Variants in SH3RF1 observed in about 807,000 individuals in gnomAD.
SH3RF1 encodes the protein E3 ubiquitin-protein ligase SH3RF1.
In SH3RF1, 32 loss-of-function variants were observed where a neutral mutation model predicts 74.0. The ratio of observed to expected loss-of-function variants is 0.43; its 90% confidence interval spans 0.33 to 0.58. The LOEUF (loss-of-function observed/expected upper bound fraction) is 0.58. Ranked by LOEUF, SH3RF1 falls within the 20% of genes least tolerant of loss-of-function variation. The pLI, the probability that SH3RF1 is intolerant of heterozygous loss-of-function variation, is 0.05. For missense variants in SH3RF1, 954 were observed against 1,130.9 expected, an observed-to-expected ratio of 0.84 and a Z score of 2.24; for synonymous variants, 396 against 439.6, an observed-to-expected ratio of 0.90 and a Z score of 1.24.
intron 2 of SH3RF1, among the ~76,000 whole-genome samples, chr4:169,247,124 CATA>C (rs1478781106): frequency 6.6e-6 from 1 of 152,190 alleles, no homozygotes; most frequent in Non-Finnish European, 1.5e-5. Flanking sequence ...CTGGGAAAAG[CATA>C]ATGACTGAGG....
intron 2 of SH3RF1, among the ~76,000 whole-genome samples, chr4:169,231,461 G>A (rs1358401964): frequency 1.3e-5 from 2 of 152,198 alleles, no homozygotes; most frequent in East Asian, 3.9e-4. Context: ...AGCTACTCAG[G>A]AGGCTGAGGC....
At chr4:169,199,381 G>A (rs1039696184) in intron 2 of SH3RF1, among the ~76,000 whole-genome samples, 8 of 152,150 alleles carry the variant, frequency 5.3e-5, no homozygotes, top group East Asian at 1.9e-4. Flanking sequence ...CTACACAGAC[G>A]TTCAAAGACT....
Position 169,120,922 on chromosome 4 carries a change from A to C in SH3RF1, c.1414T>G (p.Phe472Val). 2 of 1,614,166 alleles carry C rather than the reference A, an allele frequency of 1.2e-6. No individual in the cohort carries two copies. Among genetic ancestry groups the C allele is most frequent in the South Asian group, 1.1e-5 (1 of 91,084 alleles). ...DELELRKGEM[F>V]LVFERCQDGW... is the part of the protein sequence containing the mutation. ...TCCTGGCAGCGCTCAAACACTAAAA[A>C]CATCTCCCCTTTTCTCAGCTCTAGT... The change falls in exon 8 of 12, where the codon TTT becomes GTT. Residue 472 changes from phenylalanine (F) to valine (V), a missense_variant. Phe to Val is a conservative substitution (Grantham distance 50, BLOSUM62 -1). Coordinates refer to ENST00000284637, the MANE Select transcript of SH3RF1 (RefSeq NM_020870.4).
chr4:169,128,560 CATTTATTTAT>C (rs1003552106), intron 6 of SH3RF1, among the ~76,000 whole-genome samples: 4 of 152,226 alleles, frequency 2.6e-5, no homozygotes, highest in African/African-American at 9.6e-5. Flanking sequence ...AATAACTCTA[CATTTATTTAT>C]ATCCCACCTT....
At chr4:169,193,712 G>A (rs1734765314) in intron 2 of SH3RF1, among the ~76,000 whole-genome samples, 1 of 152,112 alleles carries the variant, frequency 6.6e-6, no homozygotes, top group African/African-American at 2.4e-5. Flanking sequence ...ACATAGCTCT[G>A]CCAGTCACCT....
At position 169,117,718 on chromosome 4, in the gene SH3RF1, C is replaced by T. The variant is rs199942841; in HGVS notation, c.1582G>A (p.Val528Met). ...MSTAGQTSRG[V>M]TMVSPSTAGG... ...GCCGTGGAAGGACTGACCATGGTCA[C>T]TCCCCGACTTGTCTGGCCAGCTGTA... Residue 528 changes from valine to methionine, a missense_variant, in exon 9 of 12, where the codon GTG becomes ATG. Coordinates refer to ENST00000284637, the MANE Select transcript of SH3RF1 (RefSeq NM_020870.4). 1.9e-6 allele frequency: 3 copies of T among 1,614,198 alleles called. No individual in the cohort carries two copies. In the East Asian group the frequency reaches 6.7e-5, roughly 36 times the overall value.
intron 2 of SH3RF1, among the ~76,000 whole-genome samples, chr4:169,171,808 G>A (rs1191529949): frequency 2.0e-5 from 3 of 152,172 alleles, no homozygotes; most frequent in African/African-American, 7.2e-5. Flanking sequence ...TACAAGAAAT[G>A]TGGATGGCTC....
intron 2 of SH3RF1, among the ~76,000 whole-genome samples, chr4:169,245,341 G>C (rs1730977895): frequency 6.6e-6 from 1 of 152,100 alleles, no homozygotes; most frequent in African/African-American, 2.4e-5. Flanking sequence ...GAGAAAACGT[G>C]AAATTTTGAG....
At position 169,229,090 on chromosome 4, in the gene SH3RF1, G is replaced by A. The variant is rs945875715; in HGVS notation, c.393+39730C>T. ...TCTTTTAGTTTACAGGGTTTGATAC[G>A]TAATATAATCATACTTAAGAGTTTT... On this transcript the variant is annotated intron_variant, in intron 2 of 11. Coordinates refer to ENST00000284637, the MANE Select transcript of SH3RF1 (RefSeq NM_020870.4). 5.3e-5 allele frequency among the ~76,000 whole-genome samples: 8 copies of A among 152,094 alleles called. No homozygotes were observed. In the East Asian group the frequency reaches 7.7e-4, roughly 15 times the overall value.
intron 2 of SH3RF1, among the ~76,000 whole-genome samples, chr4:169,197,692 T>G (rs1734839337): frequency 6.6e-6 from 1 of 151,158 alleles, no homozygotes; most frequent in Non-Finnish European, 1.5e-5. Flanking sequence ...AAACAAATTG[T>G]GTACAGAATG....
At chr4:169,188,275 G>A (rs896719459) in intron 2 of SH3RF1, among the ~76,000 whole-genome samples, 4 of 152,144 alleles carry the variant, frequency 2.6e-5, no homozygotes, top group Non-Finnish European at 5.9e-5. Flanking sequence ...CAACTTTCCC[G>A]TGGCCCATTC....
intron 2 of SH3RF1, among the ~76,000 whole-genome samples, chr4:169,253,633 T>C (rs1731138385): frequency 6.6e-6 from 1 of 152,228 alleles, no homozygotes; most frequent in Non-Finnish European, 1.5e-5. Context: ...GCTAACCACA[T>C]TACCTGTGCT....
chr4:169,168,008 G>T (rs1734274041), intron 2 of SH3RF1, among the ~76,000 whole-genome samples: 2 of 151,938 alleles, frequency 1.3e-5, no homozygotes, highest in African/African-American at 4.8e-5. Context: ...GGCATGGTGG[G>T]ACAGGCCTAT....
intron 2 of SH3RF1, among the ~76,000 whole-genome samples, chr4:169,248,185 A>G (rs1731040220): frequency 6.6e-6 from 1 of 152,208 alleles, no homozygotes; most frequent in Non-Finnish European, 1.5e-5. Flanking sequence ...AGACACATGC[A>G]CACGTATGTT....
chr4:169,270,794 T>C (rs11942200), intron 1 of SH3RF1, 65 bp downstream of exon 1: 139,687 of 152,188 alleles, frequency 0.92, 65,205 homozygotes, highest in East Asian at 1. Context: ...ACCACCGCCT[T>C]CTCCGCGGCT....
At chr4:169,128,258 G>A (rs1733558340) in intron 6 of SH3RF1, among the ~76,000 whole-genome samples, 1 of 152,142 alleles carries the variant, frequency 6.6e-6, no homozygotes, top group Admixed American at 6.5e-5. Context: ...TGATGGTTAA[G>A]GAAGTTGGCT....
At chr4:169,263,700 T>C (rs1023753026) in intron 2 of SH3RF1, among the ~76,000 whole-genome samples, 6 of 152,194 alleles carry the variant, frequency 3.9e-5, no homozygotes, top group Non-Finnish European at 8.8e-5. Context: ...TCATTACCTA[T>C]CCCTTGAGTA....
At position 169,252,391 on chromosome 4, in the gene SH3RF1, T is replaced by C. The variant is rs78430910; in HGVS notation, c.393+16429A>G. ...TTACTTTCTGGAGTCAGATATACAA[T>C]ATTCCATAGGATCAGCTTTTAAAAT... On this transcript the variant is annotated intron_variant, in intron 2 of 11. Coordinates refer to ENST00000284637, the MANE Select transcript of SH3RF1 (RefSeq NM_020870.4). Among the ~76,000 whole-genome samples, 1,314 of 152,342 alleles carry C rather than the reference T, an allele frequency of 8.6e-3. 13 individuals are homozygous for C. Among genetic ancestry groups the C allele is most frequent in the African/African-American group, 0.03 (1,238 of 41,576 alleles).
chr4:169,190,523 A>C (rs1734684032), intron 2 of SH3RF1, among the ~76,000 whole-genome samples: 1 of 152,066 alleles, frequency 6.6e-6, no homozygotes, highest in Admixed American at 6.5e-5. Context: ...TTAATCAGGA[A>C]GAATTAGATA....
Sources: allele counts gnomAD v4.1 joint callset (sites outside exome capture counted in the v4.1 genomes callset), GRCh38; gene constraint gnomAD v4.1.1; transcripts MANE v1.5; gene names NCBI Gene and HGNC (gene_info 2026-07-23, HGNC 2026-07-21).